C15orf40: variants seen among roughly 807,000 people sequenced by gnomAD.
The protein encoded by C15orf40 is UPF0235 protein C15orf40.
Under a neutral mutation model 13.9 loss-of-function variants are expected in C15orf40, and 9 were observed. The observed-to-expected ratio is 0.65, with a 90% CI of 0.39 to 1.13. C15orf40 has a LOEUF of 1.13. Ranked by LOEUF, C15orf40 falls within the 50% of genes most tolerant of loss-of-function variation. The pLI is 0.01. For missense variants in C15orf40, 225 were observed against 188.5 expected, an observed-to-expected ratio of 1.19 and a Z score of -1.13; for synonymous variants, 95 against 69.2, an observed-to-expected ratio of 1.37 and a Z score of -1.85.
chr15:83,006,993 T>C (rs1470533827), intron 3 of C15orf40, among the ~76,000 whole-genome samples: 1 of 152,144 alleles, frequency 6.6e-6, no homozygotes, highest in African/African-American at 2.4e-5. Flanking sequence ...TGACTGTGAA[T>C]GCCAGCTGGA....
At chr15:83,010,059 A>C (rs1408489318) in intron 2 of C15orf40, among the ~76,000 whole-genome samples, 178 bp downstream of exon 2, 1 of 152,250 alleles carries the variant, frequency 6.6e-6, no homozygotes, top group Non-Finnish European at 1.5e-5. Context: ...TGATTTAAAG[A>C]TATATTCACT....
downstream of C15orf40, chr15:82,989,965 A>T: frequency 1.9e-6 from 3 of 1,610,064 alleles, no homozygotes; most frequent in Non-Finnish European, 2.5e-6. Flanking sequence ...GGCATGGACG[A>T]TCCTGGGGTA....
downstream of C15orf40, among the ~76,000 whole-genome samples, chr15:82,994,346 A>T (rs529046015): frequency 1.7e-3 from 241 of 141,924 alleles, 1 homozygote; most frequent in African/African-American, 6.0e-3. Context: ...TTTTTTAAAA[A>T]TTTTATTTAT....
chr15:83,003,557 C>CA lies in C15orf40; in HGVS notation c.*2039dup, dbSNP rs2031516689. ...AAAGAGTGGGAAAAGCTCTTAAGAC[C>CA]ATGTAAAACAGAAGCACATTTGCAG... On this transcript the variant is annotated 3_prime_UTR_variant, in exon 4 of 4. Coordinates refer to ENST00000304177, the MANE Select transcript of C15orf40 (RefSeq NM_144597.3). 6.6e-6 allele frequency: 1 copy of CA among 152,140 alleles called. No homozygotes were observed. The highest frequency in any genetic ancestry group is 1.5e-5 in the Non-Finnish European group (1 of 68,030). 9.4% of individuals were successfully genotyped at this position (152,140 alleles called of 1,614,324 possible). A position where few individuals can be genotyped will look rare whatever the true frequency, so the allele number is the denominator to read the frequency against.
At position 83,001,335 on chromosome 15, in the gene C15orf40, T is replaced by C; in HGVS notation, c.*4262A>G. The C allele has an allele frequency of 2.1e-6, 2 of 970,520 alleles. No homozygotes were observed. Among genetic ancestry groups the C allele is most frequent in the Non-Finnish European group, 2.4e-6 (2 of 816,402 alleles). The allele number at this position is 970,520 out of a possible 1,614,324, so 60.1% of individuals were successfully genotyped here. A position where few individuals can be genotyped will look rare whatever the true frequency, so the allele number is the denominator to read the frequency against. ...TCAAGTAAGCAACCAAGTTAATAAGTGATTAATACATCATGTTTGCACAAG... is the reference window on the plus strand; with the variant it reads ...TCAAGTAAGCAACCAAGTTAATAAGCGATTAATACATCATGTTTGCACAAG... On this transcript the variant is annotated 3_prime_UTR_variant, in exon 4 of 4. Transcript: ENST00000304177.
At chr15:83,009,080 T>C (rs902116287) in intron 2 of C15orf40, among the ~76,000 whole-genome samples, 1 of 152,132 alleles carries the variant, frequency 6.6e-6, no homozygotes, top group African/African-American at 2.4e-5. Flanking sequence ...TGTACAAGGT[T>C]GTGCAGGGTT....
At chr15:83,011,388 G>T in intron 1 of C15orf40, 109 bp downstream of exon 1, 1 of 1,263,658 alleles carries the variant, frequency 7.9e-7, no homozygotes, top group Non-Finnish European at 1.1e-6. Context: ...CTGAGAGACG[G>T]CAAGCCGCTG....
Position 83,003,892 on chromosome 15 carries a change from C to T in C15orf40, c.*1705G>A, listed in dbSNP as rs943259444. The T allele has an allele frequency of 6.6e-6, 1 of 152,158 alleles. No individual in the cohort carries two copies. Among genetic ancestry groups the T allele is most frequent in the African/African-American group, 2.4e-5 (1 of 41,404 alleles). The allele number at this position is 152,158 out of a possible 1,614,324, so 9.4% of individuals were successfully genotyped here. A position where few individuals can be genotyped will look rare whatever the true frequency, so the allele number is the denominator to read the frequency against. ...CCTCCCGAGTAGCTGAGATTACAGG[C>T]ACCCACCACCATGCCTGGCTAGTTT... On this transcript the variant is annotated 3_prime_UTR_variant, in exon 4 of 4. Coordinates refer to ENST00000304177, the MANE Select transcript of C15orf40 (RefSeq NM_144597.3).
downstream of C15orf40, among the ~76,000 whole-genome samples, chr15:82,992,508 C>T (rs992512861): frequency 3.4e-5 from 5 of 149,128 alleles, no homozygotes; most frequent in Non-Finnish European, 5.9e-5. Context: ...AAGAGCGAAA[C>T]TCTCTCAAAG....
downstream of C15orf40, among the ~76,000 whole-genome samples, chr15:82,992,448 G>A (rs1263306839): frequency 5.9e-5 from 9 of 152,092 alleles, no homozygotes; most frequent in Non-Finnish European, 7.4e-5. Flanking sequence ...CCTGGGAGGT[G>A]GAGGTGGCAG....
Position 83,001,324 on chromosome 15 carries a change from A to C in C15orf40, c.*4273T>G. 1 of 981,804 alleles carries C rather than the reference A, an allele frequency of 1.0e-6. No homozygotes were observed. The highest frequency in any genetic ancestry group is 1.2e-6 in the Non-Finnish European group (1 of 826,610). The allele number at this position is 981,804 out of a possible 1,614,324, so 60.8% of individuals were successfully genotyped here. On this transcript the variant is annotated 3_prime_UTR_variant, in exon 4 of 4. Coordinates refer to ENST00000304177, the MANE Select transcript of C15orf40 (RefSeq NM_144597.3). ...AGCAGTGTCTGTCAAGTAAGCAACC[A>C]AGTTAATAAGTGATTAATACATCAT...
At position 82,996,072 on chromosome 15, in the gene C15orf40, T is replaced by C. The variant is rs1408209803; in HGVS notation, c.*9525A>G. Reference sequence around the variant, plus strand: ...TGTATGGGCTAATTCAGTTGGTGTTTTCACTCCTTTCCCTCAGGGACACGA... The same window carrying C: ...TGTATGGGCTAATTCAGTTGGTGTTCTCACTCCTTTCCCTCAGGGACACGA... On this transcript the variant is annotated 3_prime_UTR_variant, in exon 4 of 4. Transcript: ENST00000304177. The C allele has an allele frequency of 6.6e-6, 1 of 152,254 alleles. No homozygotes were observed. The highest frequency in any genetic ancestry group is 1.5e-5 in the Non-Finnish European group (1 of 68,044). 9.4% of individuals were successfully genotyped at this position (152,254 alleles called of 1,614,324 possible).
Position 82,996,988 on chromosome 15 carries a change from A to G in C15orf40, c.*8609T>C, listed in dbSNP as rs2031113821. On this transcript the variant is annotated 3_prime_UTR_variant, in exon 4 of 4. Coordinates refer to ENST00000304177, the MANE Select transcript of C15orf40 (RefSeq NM_144597.3). ...AGCCAAGATTGAACCACTGCACTCC[A>G]GCCTAGGCAACAAGAGCGAAACTTC... The G allele has an allele frequency of 6.7e-6, 1 of 149,766 alleles. No individual in the cohort carries two copies. Among genetic ancestry groups the G allele is most frequent in the African/African-American group, 2.4e-5 (1 of 41,080 alleles). The allele number at this position is 149,766 out of a possible 1,614,324, so 9.3% of individuals were successfully genotyped here.
chr15:82,989,794 T>G (rs1380180346), downstream of C15orf40: 20 of 1,483,132 alleles, frequency 1.3e-5, no homozygotes, highest in Non-Finnish European at 1.8e-5. Context: ...TGTATTAGAA[T>G]GAGAAACCAG....
Position 83,004,970 on chromosome 15 carries a change from C to A in C15orf40, c.*627G>T, listed in dbSNP as rs2031596715. ...GTACAATCTTGAGTAAGTCTCTCAA[C>A]TTCTGGATATAGGAAATCAAAGGCC... On this transcript the variant is annotated 3_prime_UTR_variant, in exon 4 of 4. Transcript: ENST00000304177. 1 of 1,282,042 alleles carries A rather than the reference C, an allele frequency of 7.8e-7. No homozygotes were observed. The highest frequency in any genetic ancestry group is 2.3e-5 in the Admixed American group (1 of 42,996). The allele number at this position is 1,282,042 out of a possible 1,614,324, so 79.4% of individuals were successfully genotyped here. A position where few individuals can be genotyped will look rare whatever the true frequency, so the allele number is the denominator to read the frequency against.
At chr15:82,993,957 T>C (rs7166355), downstream of C15orf40, among the ~76,000 whole-genome samples, 4,845 of 152,264 alleles carry the variant, frequency 0.032, 94 homozygotes, top group Middle Eastern at 0.061. Context: ...GAGTTTTTTG[T>C]TTGTGTTTTG....
chr15:83,006,874 A>T (rs1316198317), intron 3 of C15orf40, among the ~76,000 whole-genome samples: 1 of 152,220 alleles, frequency 6.6e-6, no homozygotes, highest in Non-Finnish European at 1.5e-5. Flanking sequence ...AAGAATGAGG[A>T]ACATCTTTCA....
intron 2 of C15orf40, 32 bp downstream of exon 2, chr15:83,010,205 C>T: frequency 6.2e-7 from 1 of 1,613,432 alleles, no homozygotes; most frequent in Non-Finnish European, 8.5e-7. Context: ...ACCTGATTCA[C>T]ACTTGAATCC....
At chr15:82,993,034 T>C (rs1318785394), downstream of C15orf40, among the ~76,000 whole-genome samples, 2 of 152,194 alleles carry the variant, frequency 1.3e-5, no homozygotes, top group East Asian at 3.8e-4. Flanking sequence ...TAATTTCAAG[T>C]AGTCTGTTGT....
Sources: gnomAD v4.1 joint callset for allele counts (sites outside exome capture counted in the v4.1 genomes callset) on GRCh38, gnomAD v4.1.1 for gene constraint, MANE v1.5 for transcripts, NCBI Gene and HGNC (gene_info 2026-07-23, HGNC 2026-07-21) for gene names.